ROBO2: variants seen among roughly 807,000 people sequenced by gnomAD.
ROBO2 encodes the protein roundabout homolog 2.
ROBO2 carries 53 observed loss-of-function variants against 160.8 expected under a neutral mutation model. The observed-to-expected ratio is 0.33, with a 90% CI of 0.26 to 0.41. The LOEUF is 0.41. Ranked by LOEUF, ROBO2 falls within the 10% of genes least tolerant of loss-of-function variation. The pLI is 1.00. For missense variants in ROBO2, 1,577 were observed against 1,722.4 expected (o/e 0.92, Z 1.49); for synonymous variants, 664 against 611.7 (o/e 1.09, Z -1.26).
intron 5 of ROBO2, among the ~76,000 whole-genome samples, chr3:77,497,314 G>C (rs1344801753): frequency 1.3e-5 from 2 of 152,066 alleles, no homozygotes; most frequent in Admixed American, 1.3e-4. Flanking sequence ...AAAGTGAGTA[G>C]GAGGAACAAG....
intron 1 of ROBO2, among the ~76,000 whole-genome samples, chr3:75,928,674 T>C (rs767440976): frequency 1.3e-5 from 2 of 152,362 alleles, no homozygotes; most frequent in East Asian, 1.9e-4. Context: ...CAAGAATGCT[T>C]GTTCCAGTTG....
At chr3:76,042,724 T>C (rs1293981802) in intron 2 of ROBO2, among the ~76,000 whole-genome samples, 1 of 152,040 alleles carries the variant, frequency 6.6e-6, no homozygotes, top group Non-Finnish European at 1.5e-5. Context: ...AACTCATGAC[T>C]TAGAACCCGA....
Position 76,685,210 on chromosome 3 carries a change from T to TG in ROBO2, c.110-412804_110-412803insG, listed in dbSNP as rs370966248. On this transcript the variant is annotated intron_variant, in intron 2 of 26. Transcript: ENST00000487694. ...TGGTTGTGTTTTTTTTTTTTTTTTTTCCAGTAATTTCAGCTTAATGAGTAC... is the reference window on the plus strand; with the variant it reads ...TGGTTGTGTTTTTTTTTTTTTTTTTTGCCAGTAATTTCAGCTTAATGAGTAC... 1.3e-3 allele frequency among the ~76,000 whole-genome samples: 181 copies of TG among 139,782 alleles called. 5 individuals are homozygous for TG. The Middle Eastern group carries it at 0.015, about 12-fold the overall frequency. The allele number at this position is 139,782 out of a possible 152,430, so 91.7% of individuals were successfully genotyped here.
At chr3:76,316,842 C>T (rs548761669) in intron 2 of ROBO2, among the ~76,000 whole-genome samples, 12 of 152,264 alleles carry the variant, frequency 7.9e-5, no homozygotes, top group South Asian at 2.1e-4. Flanking sequence ...TCCTCGGCCG[C>T]GGCTCCAGCC....
intron 1 of ROBO2, among the ~76,000 whole-genome samples, chr3:77,063,509 A>G (rs1207485678): frequency 1.4e-4 from 22 of 152,146 alleles, no homozygotes; most frequent in Admixed American, 1.4e-3. Flanking sequence ...AGTTTGACAG[A>G]TCTCCTGACC....
chr3:76,634,897 T>C (rs1017431998), intron 2 of ROBO2, among the ~76,000 whole-genome samples: 4 of 152,176 alleles, frequency 2.6e-5, no homozygotes, highest in Admixed American at 6.5e-5. Flanking sequence ...AGTGGCGGCA[T>C]TGGATTCTCA....
At chr3:76,197,089 T>C (rs535102017) in intron 2 of ROBO2, among the ~76,000 whole-genome samples, 10 of 152,188 alleles carry the variant, frequency 6.6e-5, no homozygotes, top group African/African-American at 2.2e-4. Context: ...ACTTTCTCCT[T>C]TTGGGGAGTG....
chr3:75,989,856 G>C (rs867488462), intron 2 of ROBO2, among the ~76,000 whole-genome samples: 1 of 152,210 alleles, frequency 6.6e-6, no homozygotes, highest in Non-Finnish European at 1.5e-5. Flanking sequence ...GATTGGTGGC[G>C]GTTTTGCATG....
intron 2 of ROBO2, among the ~76,000 whole-genome samples, chr3:76,652,976 T>C (rs1481380276): frequency 1.3e-5 from 2 of 152,210 alleles, no homozygotes; most frequent in East Asian, 3.9e-4. Flanking sequence ...ATATTCATGA[T>C]ATTTGCCATT....
chr3:76,043,432 A>G (rs564584956), intron 2 of ROBO2, among the ~76,000 whole-genome samples: 16 of 151,698 alleles, frequency 1.1e-4, no homozygotes, highest in Non-Finnish European at 2.2e-4. Flanking sequence ...GCACAACCCC[A>G]AAGCTTCTGA....
At chr3:76,465,602 T>A (rs2078319285) in intron 2 of ROBO2, among the ~76,000 whole-genome samples, 1 of 152,044 alleles carries the variant, frequency 6.6e-6, no homozygotes, top group Admixed American at 6.6e-5. Context: ...TGTAGATAAT[T>A]GAGAGTTGGC....
At chr3:76,988,190 A>G (rs532521393) in intron 2 of ROBO2, among the ~76,000 whole-genome samples, 1 of 152,282 alleles carries the variant, frequency 6.6e-6, no homozygotes, top group Middle Eastern at 3.4e-3. Context: ...TATTAACCCT[A>G]AAGGTAAGGC....
At chr3:77,325,517 T>C (rs1249388453) in intron 2 of ROBO2, among the ~76,000 whole-genome samples, 1 of 152,206 alleles carries the variant, frequency 6.6e-6, no homozygotes, top group African/African-American at 2.4e-5. Context: ...AGCACTGACA[T>C]TGACTGCTTG....
chr3:76,912,237 T>C (rs2076036249), intron 2 of ROBO2, among the ~76,000 whole-genome samples: 1 of 152,124 alleles, frequency 6.6e-6, no homozygotes, highest in Admixed American at 6.6e-5. Context: ...TACTAGGGAG[T>C]TCATGAAATA....
chr3:76,424,552 T>G (rs765483308), intron 2 of ROBO2, among the ~76,000 whole-genome samples: 83 of 152,200 alleles, frequency 5.5e-4, no homozygotes, highest in Non-Finnish European at 9.9e-4. Flanking sequence ...CAGTTTCAGT[T>G]ATGCAAAATA....
chr3:76,291,462 CT>C (rs1708799534), intron 2 of ROBO2, among the ~76,000 whole-genome samples: 1 of 151,946 alleles, frequency 6.6e-6, no homozygotes. Flanking sequence ...CATATGTATT[CT>C]TTCAAGGAAC....
chr3:77,033,514 G>A (rs1345385248), intron 2 of ROBO2, among the ~76,000 whole-genome samples: 2 of 152,110 alleles, frequency 1.3e-5, no homozygotes, highest in Non-Finnish European at 2.9e-5. Context: ...GTAAAGAAGG[G>A]AGAAATAAAA....
chr3:77,106,474 C>T (rs187289895), intron 2 of ROBO2, among the ~76,000 whole-genome samples: 3,841 of 152,100 alleles, frequency 0.025, 70 homozygotes, highest in Admixed American at 0.037. Flanking sequence ...TGCTTTTCTC[C>T]CAGGATTTGT....
In ROBO2 at chr3:76,908,119, C is replaced by T. The variant is rs551076425; in HGVS notation, c.110-189895C>T. ...CTTCCCAAAGTGCTAGGATTACAGG[C>T]GTGAGCCATCAAACCCAGCCTGCCT... On this transcript the variant is annotated intron_variant, in intron 2 of 26. Transcript: ENST00000487694. Among the ~76,000 whole-genome samples, 6 of 152,136 alleles carry T rather than the reference C, an allele frequency of 3.9e-5. No homozygotes were observed. The South Asian group carries it at 6.2e-4, about 16-fold the overall frequency.
Sources: gnomAD v4.1 joint callset for allele counts (sites outside exome capture counted in the v4.1 genomes callset) on GRCh38, gnomAD v4.1.1 for gene constraint, MANE v1.5 for transcripts, NCBI Gene and HGNC (gene_info 2026-07-23, HGNC 2026-07-21) for gene names.